The following ZFR variants were observed in gnomAD, a reference collection of about 807,000 sequenced individuals.
ZFR encodes zinc finger RNA binding protein.
Under a neutral mutation model 130.7 loss-of-function variants are expected in ZFR, and 19 were observed. That is an observed-to-expected ratio of 0.15 (90% CI 0.10 to 0.21). The LOEUF (loss-of-function observed/expected upper bound fraction) is 0.21. ZFR is among the 10% of genes least tolerant of loss of function. ZFR has a pLI of 1.00. For synonymous variants in ZFR, 466 were observed against 456.9 expected (o/e 1.02, Z -0.25); for missense variants, 872 against 1,321.5 (o/e 0.66, Z 5.27).
At chr5:32,444,161 T>C (rs1581723744) in intron 2 of ZFR, 68 bp downstream of exon 2, 1 of 1,517,352 alleles carries the variant, frequency 6.6e-7, no homozygotes. Flanking sequence ...CGCGGGGGCG[T>C]CGCATCGACA....
chr5:32,383,575 TA>T (rs941718270), intron 15 of ZFR, among the ~76,000 whole-genome samples: 34 of 152,278 alleles, frequency 2.2e-4, no homozygotes, highest in Admixed American at 8.5e-4. Context: ...TTTTTGGTAT[TA>T]AAAAGGACCA....
At chr5:32,432,999 A>T (rs2662516) in intron 2 of ZFR, among the ~76,000 whole-genome samples, 145,128 of 152,148 alleles carry the variant, frequency 0.95, 69,276 homozygotes, top group African/African-American at 0.98. Flanking sequence ...CCCAAAGTGC[A>T]GGGATTATAG....
chr5:32,437,086 T>C (rs1185089381), intron 2 of ZFR, among the ~76,000 whole-genome samples: 2 of 152,198 alleles, frequency 1.3e-5, no homozygotes, highest in African/African-American at 4.8e-5. Flanking sequence ...TATCATGCAA[T>C]CCAGATATTT....
In ZFR at chr5:32,364,045, C is replaced by T. The variant is rs1752487373; in HGVS notation, c.2948G>A (p.Gly983Asp). 6.2e-7 allele frequency: 1 copy of T among 1,613,818 alleles called. No homozygotes were observed. Among genetic ancestry groups the T allele is most frequent in the Admixed American group, 1.7e-5 (1 of 59,964 alleles). Residue 983 changes from glycine (G) to aspartate (D), a missense_variant and splice_region_variant, in exon 19 of 20, where the codon GGT becomes GAT. Physicochemically the swap from Gly to Asp is moderately conservative, Grantham distance 94 (BLOSUM62 -1). Around this residue, in one of 7 missense-constraint regions of ZFR, gnomAD observed 158 missense variants for 264.0 expected, o/e 0.60. Transcript: ENST00000265069. ...ACAAGGATCCAGAAGTCCAGGACTA[C>T]CTACAGCAATCACCACAGGGAGAGG... ...ECISSGIILK[G>D]SPGLLDPCEK...
Position 32,380,192 on chromosome 5 carries a change from C to T in ZFR, c.2642-20G>A. The stretch of plus-strand genomic sequence containing the variant: ...TTACATCTAAAATGGATTGAATTGG[C>T]AAAATGCAGTGAGGAATGGGTGTTT... On this transcript the variant is annotated intron_variant, in intron 15 of 19. Transcript: ENST00000265069. 6.3e-7 allele frequency: 1 copy of T among 1,598,000 alleles called. No individual in the cohort carries two copies. The highest frequency in any genetic ancestry group is 8.6e-7 in the Non-Finnish European group (1 of 1,165,800).
chr5:32,435,856 A>G (rs988852225), intron 2 of ZFR, among the ~76,000 whole-genome samples: 13 of 152,210 alleles, frequency 8.5e-5, no homozygotes, highest in East Asian at 1.9e-4. Flanking sequence ...GCTCTTAAGT[A>G]TCTATGTGAA....
chr5:32,425,613 C>A (rs866652592), intron 2 of ZFR, among the ~76,000 whole-genome samples: 1 of 152,160 alleles, frequency 6.6e-6, no homozygotes. Flanking sequence ...CTGCAACCTC[C>A]GCCTCCTAGG....
intron 10 of ZFR, among the ~76,000 whole-genome samples, chr5:32,395,710 A>T (rs2111752271): frequency 6.6e-6 from 1 of 152,286 alleles, no homozygotes; most frequent in South Asian, 2.1e-4. Flanking sequence ...CTCAACTTGA[A>T]GATGATGAGG....
At chr5:32,405,788 AT>A (rs1753567322) in intron 6 of ZFR, among the ~76,000 whole-genome samples, 1 of 152,074 alleles carries the variant, frequency 6.6e-6, no homozygotes, top group Non-Finnish European at 1.5e-5. Flanking sequence ...CAACAAAACT[AT>A]TTCCTGCCAT....
In ZFR at chr5:32,390,363, G is replaced by A; in HGVS notation, c.2054C>T (p.Pro685Leu). The A allele has an allele frequency of 6.2e-7, 1 of 1,614,162 alleles. No individual in the cohort carries two copies. The highest frequency in any genetic ancestry group is 8.5e-7 in the Non-Finnish European group (1 of 1,180,012). The change falls in exon 12 of 20, where the codon CCA (proline) becomes CTA (leucine). Residue 685 changes from proline to leucine, a missense_variant. By Grantham distance (98) the Pro-to-Leu change is moderately conservative. Coordinates refer to ENST00000265069, the MANE Select transcript of ZFR (RefSeq NM_016107.5). ...QHHWDDRRRM[P>L]DGGYPHGPPG... is the part of the protein sequence containing the mutation. ...AGGACCATGAGGATAACCTCCATCT[G>A]GCATTCGGCGGCGATCATCCCAATG...
intron 17 of ZFR, among the ~76,000 whole-genome samples, chr5:32,367,475 A>C (rs1752573388): frequency 6.8e-6 from 1 of 147,734 alleles, no homozygotes; most frequent in Non-Finnish European, 1.5e-5. Flanking sequence ...TAAATAAATA[A>C]ATAAATAAAT....
At chr5:32,373,917 T>C (rs1752736356) in intron 17 of ZFR, among the ~76,000 whole-genome samples, 1 of 152,186 alleles carries the variant, frequency 6.6e-6, no homozygotes, top group Non-Finnish European at 1.5e-5. Flanking sequence ...GACCTGTGCA[T>C]TCTCTTTTCT....
intron 14 of ZFR, 31 bp from the exon 15 acceptor site, chr5:32,385,680 G>T (rs761531884): frequency 2.4e-5 from 38 of 1,608,532 alleles, no homozygotes; most frequent in Non-Finnish European, 3.1e-5. Context: ...GAAACAAATT[G>T]GATCTGTTGT....
At chr5:32,425,977 T>C (rs1205404319) in intron 2 of ZFR, among the ~76,000 whole-genome samples, 1 of 152,250 alleles carries the variant, frequency 6.6e-6, no homozygotes, top group Non-Finnish European at 1.5e-5. Flanking sequence ...GTAATGGTTA[T>C]TCACCATTTA....
chr5:32,425,037 A>G (rs1754043414), intron 2 of ZFR, among the ~76,000 whole-genome samples: 1 of 152,200 alleles, frequency 6.6e-6, no homozygotes, highest in South Asian at 2.1e-4. Context: ...AATAGTCTGA[A>G]TTTGGGAAGA....
intron 19 of ZFR, among the ~76,000 whole-genome samples, chr5:32,361,111 G>A (rs564836827): frequency 6.6e-6 from 1 of 152,320 alleles, no homozygotes; most frequent in South Asian, 2.1e-4. Flanking sequence ...CACTGTGCCT[G>A]GCTCTAACCT....
chr5:32,414,960 C>T lies in ZFR; in HGVS notation c.784+9G>A, dbSNP rs1297243590. ...GTTTACTCATTTAAACACAGTTTATCAGTCTTACCAGAATATGTAACTGCT... is the reference window on the plus strand; with the variant it reads ...GTTTACTCATTTAAACACAGTTTATTAGTCTTACCAGAATATGTAACTGCT... On this transcript the variant is annotated intron_variant, in intron 5 of 19. Coordinates refer to ENST00000265069, the MANE Select transcript of ZFR (RefSeq NM_016107.5). The T allele has an allele frequency of 2.5e-6, 4 of 1,604,844 alleles. No individual in the cohort carries two copies. The African/African-American group carries it at 5.4e-5, about 21-fold the overall frequency.
intron 15 of ZFR, chr5:32,383,856 T>C (rs1030506869): frequency 1.1e-5 from 5 of 454,496 alleles, no homozygotes; most frequent in South Asian, 1.6e-5. Flanking sequence ...TCAGTGTTTC[T>C]ACACTTTGGC....
intron 2 of ZFR, among the ~76,000 whole-genome samples, chr5:32,421,632 C>T (rs1255825536): frequency 6.6e-6 from 1 of 152,026 alleles, no homozygotes; most frequent in Non-Finnish European, 1.5e-5. Context: ...GACACTTACT[C>T]CATGCTGCTC....
Sources: allele counts gnomAD v4.1 joint callset (sites outside exome capture counted in the v4.1 genomes callset), GRCh38; gene constraint gnomAD v4.1.1; regional missense constraint gnomAD v4.1.1; transcripts MANE v1.5; gene names NCBI Gene and HGNC (gene_info 2026-07-23, HGNC 2026-07-21).